The following NFIA variants were observed in gnomAD, a reference collection of about 807,000 sequenced individuals.
NFIA encodes the protein nuclear factor I A, also known as nuclear factor 1 A-type.
A neutral mutation model predicts 62.8 loss-of-function variants in NFIA; 8 were observed. The ratio of observed to expected loss-of-function variants is 0.13; its 90% confidence interval spans 0.07 to 0.23. The LOEUF is 0.23. NFIA is among the 10% of genes least tolerant of loss of function. The pLI is 1.00. For missense variants in NFIA, 410 were observed against 642.1 expected (o/e 0.64, Z 3.91); for synonymous variants, 235 against 238.1 (o/e 0.99, Z 0.12).
intron 2 of NFIA, among the ~76,000 whole-genome samples, chr1:61,104,189 C>G (rs182632307): frequency 9.2e-5 from 14 of 152,242 alleles, no homozygotes; most frequent in Admixed American, 7.8e-4. Flanking sequence ...GACCCATTCT[C>G]TTCAGAGTGG....
chr1:61,427,852 T>G (rs960549511), intron 10 of NFIA, among the ~76,000 whole-genome samples: 13 of 152,210 alleles, frequency 8.5e-5, no homozygotes, highest in Non-Finnish European at 1.5e-4. Flanking sequence ...TCAGTACCTC[T>G]CACAAAATTC....
intron 6 of NFIA, among the ~76,000 whole-genome samples, chr1:61,361,214 G>A (rs1456015244): frequency 6.6e-6 from 1 of 152,200 alleles, no homozygotes; most frequent in African/African-American, 2.4e-5. Flanking sequence ...CTCCGAATTC[G>A]TGTTCACATC....
chr1:61,364,040 G>A (rs1039430743), intron 6 of NFIA, among the ~76,000 whole-genome samples: 2 of 151,380 alleles, frequency 1.3e-5, no homozygotes, highest in Non-Finnish European at 2.9e-5. Context: ...TCCACCTCCG[G>A]GTTCAGGTGA....
intron 2 of NFIA, among the ~76,000 whole-genome samples, chr1:61,100,296 G>A (rs1172779029): frequency 1.3e-5 from 2 of 152,042 alleles, no homozygotes; most frequent in East Asian, 1.9e-4. Context: ...CATTTCCATC[G>A]GTGCGGATGC....
chr1:61,124,664 T>C (rs1190649274), intron 2 of NFIA: 4 of 152,150 alleles, frequency 2.6e-5, no homozygotes, highest in Non-Finnish European at 5.9e-5. Context: ...TGAAAGAAAA[T>C]AATAATGAAA....
At chr1:61,275,075 C>G (rs913782137) in intron 2 of NFIA, among the ~76,000 whole-genome samples, 1 of 152,190 alleles carries the variant, frequency 6.6e-6, no homozygotes, top group African/African-American at 2.4e-5. Context: ...GTGTCTCCAG[C>G]TTTTGAATAA....
At chr1:61,083,806 C>T (rs1646167867) in intron 1 of NFIA, among the ~76,000 whole-genome samples, 1 of 151,814 alleles carries the variant, frequency 6.6e-6, no homozygotes, top group Non-Finnish European at 1.5e-5. Context: ...CGACTCCGGC[C>T]GCTCCGCGCG....
At chr1:61,190,889 T>C (rs1323399027) in intron 2 of NFIA, among the ~76,000 whole-genome samples, 2 of 152,210 alleles carry the variant, frequency 1.3e-5, no homozygotes, top group Non-Finnish European at 2.9e-5. Context: ...ACCAAACTCT[T>C]CTGGCAGTTT....
chr1:61,104,011 T>C (rs1239966549), intron 2 of NFIA, among the ~76,000 whole-genome samples: 1 of 152,140 alleles, frequency 6.6e-6, no homozygotes, highest in East Asian at 1.9e-4. Flanking sequence ...TTGGTGATGA[T>C]GGAGTAATAT....
At chr1:61,401,388 G>A (rs926393586) in intron 7 of NFIA, among the ~76,000 whole-genome samples, 1 of 152,144 alleles carries the variant, frequency 6.6e-6, no homozygotes, top group Non-Finnish European at 1.5e-5. Context: ...AAAAACGAAG[G>A]TCTAAATTTA....
At chr1:61,452,723 A>C (rs1358801820) in intron 10 of NFIA, among the ~76,000 whole-genome samples, 1 of 152,246 alleles carries the variant, frequency 6.6e-6, no homozygotes, top group East Asian at 1.9e-4. Context: ...TGCAGCGTGC[A>C]GCCCAAAAAC....
At chr1:61,150,767 C>G (rs1648346518) in intron 2 of NFIA, among the ~76,000 whole-genome samples, 2 of 152,166 alleles carry the variant, frequency 1.3e-5, no homozygotes, top group Admixed American at 6.5e-5. Context: ...GGCTCAAGAG[C>G]TATCAACAGT....
chr1:61,354,879 G>A (rs956676190), intron 5 of NFIA, among the ~76,000 whole-genome samples: 1 of 152,078 alleles, frequency 6.6e-6, no homozygotes, highest in South Asian at 2.1e-4. Context: ...ATTCAGCAGC[G>A]AACGTTATTA....
intron 2 of NFIA, among the ~76,000 whole-genome samples, chr1:61,184,513 ATT>A (rs1651016254): frequency 6.6e-6 from 1 of 152,264 alleles, no homozygotes; most frequent in African/African-American, 2.4e-5. Context: ...AGCTTTGTGC[ATT>A]CTTTATGTAA....
intron 2 of NFIA, among the ~76,000 whole-genome samples, chr1:61,135,438 G>C (rs1399685873): frequency 6.6e-6 from 1 of 152,078 alleles, no homozygotes; most frequent in Non-Finnish European, 1.5e-5. Context: ...ACAGGGTCTT[G>C]CTCTGTTGCA....
intron 3 of NFIA, among the ~76,000 whole-genome samples, chr1:61,284,542 A>C (rs1658360299): frequency 6.6e-6 from 1 of 150,924 alleles, no homozygotes; most frequent in African/African-American, 2.4e-5. Context: ...GATCCAGTGT[A>C]CTTAAGGCGC....
intron 2 of NFIA, among the ~76,000 whole-genome samples, chr1:61,115,609 C>T (rs751682327): frequency 6.6e-6 from 1 of 152,192 alleles, no homozygotes; most frequent in Non-Finnish European, 1.5e-5. Context: ...GGACACGGCA[C>T]GTGGAGGCAG....
chr1:61,089,234 C>T lies in NFIA; in HGVS notation c.559+554C>T, dbSNP rs543763629. ...TATTTAGGAATTCTTAGTGTTGTCT[C>T]AGATAGCTAAGGGAAACAAACCAGC... On this transcript the variant is annotated intron_variant, in intron 2 of 10. Transcript: ENST00000403491. Among the ~76,000 whole-genome samples the T allele has an allele frequency of 5.5e-4, 83 of 152,178 alleles. 1 individual carries two copies. Among genetic ancestry groups the T allele is most frequent in the African/African-American group, 2.0e-3 (82 of 41,520 alleles).
intron 2 of NFIA, among the ~76,000 whole-genome samples, chr1:61,200,945 C>T (rs1055402787): frequency 6.6e-6 from 1 of 151,888 alleles, no homozygotes; most frequent in South Asian, 2.1e-4. Context: ...CATCTATAAT[C>T]TTTTCATGTA....
Sources: gnomAD v4.1 joint callset for allele counts (sites outside exome capture counted in the v4.1 genomes callset) on GRCh38, gnomAD v4.1.1 for gene constraint, MANE v1.5 for transcripts, NCBI Gene and HGNC (gene_info 2026-07-23, HGNC 2026-07-21) for gene names.